GPC6: variants seen among roughly 807,000 people sequenced by gnomAD.
GPC6 encodes glypican 6.
In GPC6, 14 loss-of-function variants were observed where a neutral mutation model predicts 55.2. That is an observed-to-expected ratio of 0.25 (90% confidence interval 0.17 to 0.40). The LOEUF (loss-of-function observed/expected upper bound fraction) is 0.40, where lower values mean the gene tolerates loss of function less well. Among genes scored for constraint, GPC6 ranks in the 10% least tolerant of loss-of-function variants. The pLI is 1.00. For missense variants in GPC6, 641 were observed against 708.5 expected (o/e 0.90, Z 1.08); for synonymous variants, 278 against 259.6 (o/e 1.07, Z -0.68).
chr13:93,424,795 A>G (rs1286442465), intron 1 of GPC6, among the ~76,000 whole-genome samples: 1 of 152,150 alleles, frequency 6.6e-6, no homozygotes, highest in African/African-American at 2.4e-5. Flanking sequence ...TGCTGTTGGA[A>G]CTTAAAGTTA....
In GPC6 at chr13:93,272,492, G is replaced by GTATATATATATA. The variant is rs61556173; in HGVS notation, c.160+44893_160+44904dup. ...GAATGAGGTGATTCATTGTCTGTGT[G>GTATATATATATA]TATATATATATATATATATATATAT... is the stretch of plus-strand genomic sequence containing the variant. On this transcript the variant is annotated intron_variant, in intron 1 of 8. Coordinates refer to ENST00000377047, the MANE Select transcript of GPC6 (RefSeq NM_005708.5). Among the ~76,000 whole-genome samples the GTATATATATATA allele has an allele frequency of 3.4e-3, 460 of 137,128 alleles. 2 individuals carry two copies. The highest frequency in any genetic ancestry group is 0.018 in the Middle Eastern group (4 of 228). 90.0% of individuals were successfully genotyped at this position (137,128 alleles called of 152,430 possible).
At chr13:93,477,536 T>A (rs1879344520) in intron 1 of GPC6, among the ~76,000 whole-genome samples, 2 of 152,188 alleles carry the variant, frequency 1.3e-5, no homozygotes, top group Admixed American at 6.5e-5. Context: ...TAGTAAGATC[T>A]TGCAGTAGAT....
chr13:93,940,661 T>C (rs1168635277), intron 3 of GPC6, among the ~76,000 whole-genome samples: 1 of 152,198 alleles, frequency 6.6e-6, no homozygotes, highest in Non-Finnish European at 1.5e-5. Flanking sequence ...AAATCCTTGA[T>C]TTGAACAAGT....
chr13:94,393,801 TCCC>T (rs1205314491), intron 7 of GPC6, among the ~76,000 whole-genome samples: 3 of 152,090 alleles, frequency 2.0e-5, no homozygotes, highest in Non-Finnish European at 4.4e-5. Flanking sequence ...TGTGACCTAC[TCCC>T]CCAATATGCA....
intron 1 of GPC6, among the ~76,000 whole-genome samples, chr13:93,301,851 G>A (rs1458765263): frequency 6.6e-6 from 1 of 152,120 alleles, no homozygotes; most frequent in Admixed American, 6.6e-5. Flanking sequence ...TTCCCTTGAT[G>A]TCTATAAATG....
intron 5 of GPC6, among the ~76,000 whole-genome samples, chr13:94,288,791 A>G (rs1356198591): frequency 1.5e-5 from 1 of 66,380 alleles, no homozygotes; most frequent in Non-Finnish European, 2.5e-5. Context: ...TATATATAAT[A>G]AATATATATA....
intron 4 of GPC6, among the ~76,000 whole-genome samples, chr13:94,049,015 G>A (rs972308397): frequency 6.6e-6 from 1 of 152,052 alleles, no homozygotes; most frequent in African/African-American, 2.4e-5. Context: ...GGCTGAGGCA[G>A]GAGGATCACT....
At chr13:94,231,137 T>G (rs201711729) in intron 4 of GPC6, among the ~76,000 whole-genome samples, 2 of 152,084 alleles carry the variant, frequency 1.3e-5, no homozygotes, top group East Asian at 1.9e-4. Flanking sequence ...GTATACTAGA[T>G]GTTCTGCAAA....
chr13:93,425,959 G>T (rs1046078535), intron 1 of GPC6, among the ~76,000 whole-genome samples: 4 of 152,110 alleles, frequency 2.6e-5, no homozygotes, highest in African/African-American at 9.7e-5. Context: ...CCAAATGACT[G>T]CTCCAAAGCA....
At chr13:93,325,599 G>A (rs9524014) in intron 1 of GPC6, among the ~76,000 whole-genome samples, 19,618 of 151,972 alleles carry the variant, frequency 0.13, 1,567 homozygotes, top group East Asian at 0.36. Context: ...GAGTAATGGA[G>A]GAAAATCACT....
chr13:94,013,421 G>A (rs1882331782), intron 3 of GPC6, among the ~76,000 whole-genome samples: 1 of 152,162 alleles, frequency 6.6e-6, no homozygotes, highest in South Asian at 2.1e-4. Context: ...CGCGATCTCA[G>A]CTCACCACAC....
chr13:93,273,604 A>C (rs890274214), intron 1 of GPC6, among the ~76,000 whole-genome samples: 2 of 151,792 alleles, frequency 1.3e-5, no homozygotes, highest in South Asian at 4.2e-4. Flanking sequence ...CTTGCAGTGA[A>C]CCGAGATTGC....
At chr13:93,906,694 G>A (rs994532400) in intron 3 of GPC6, among the ~76,000 whole-genome samples, 12 of 152,112 alleles carry the variant, frequency 7.9e-5, no homozygotes, top group African/African-American at 2.4e-4. Flanking sequence ...TTCAAATGAC[G>A]TTTATATCCC....
intron 4 of GPC6, among the ~76,000 whole-genome samples, chr13:94,253,411 G>C (rs192365906): frequency 7.9e-5 from 12 of 152,060 alleles, no homozygotes; most frequent in African/African-American, 2.4e-4. Flanking sequence ...TAATAATACT[G>C]CGTTTATCTC....
intron 2 of GPC6, among the ~76,000 whole-genome samples, chr13:93,572,991 T>C (rs1876479691): frequency 6.6e-6 from 1 of 152,104 alleles, no homozygotes; most frequent in African/African-American, 2.4e-5. Flanking sequence ...GAATCAGATA[T>C]CAACTGAAGT....
chr13:94,365,459 C>T (rs1332754958), intron 6 of GPC6, among the ~76,000 whole-genome samples: 1 of 152,128 alleles, frequency 6.6e-6, no homozygotes, highest in East Asian at 1.9e-4. Flanking sequence ...AAATATAACA[C>T]AAGAAATGTA....
intron 3 of GPC6, among the ~76,000 whole-genome samples, chr13:93,916,235 G>A (rs1475880671): frequency 1.3e-5 from 2 of 152,098 alleles, no homozygotes; most frequent in Non-Finnish European, 2.9e-5. Flanking sequence ...GAAATAAAAC[G>A]TTAGCACCTT....
chr13:93,225,493 T>G (rs201482920), upstream of GPC6, among the ~76,000 whole-genome samples: 901 of 15,548 alleles, frequency 0.058, 17 homozygotes, highest in African/African-American at 0.072. Flanking sequence ...GGAGTTTTTT[T>G]TTTTGTTTTG....
intron 2 of GPC6, among the ~76,000 whole-genome samples, chr13:93,669,348 G>A (rs1043328300): frequency 3.3e-5 from 5 of 152,086 alleles, no homozygotes; most frequent in African/African-American, 1.2e-4. Context: ...TGTGAGAAAC[G>A]GGAAGTCCAA....
Sources: allele counts gnomAD v4.1 joint callset (sites outside exome capture counted in the v4.1 genomes callset), GRCh38; gene constraint gnomAD v4.1.1; transcripts MANE v1.5; gene names NCBI Gene and HGNC (gene_info 2026-07-23, HGNC 2026-07-21).